VPS13B: variants seen among roughly 807,000 people sequenced by gnomAD.
The protein encoded by VPS13B is vacuolar protein sorting 13 homolog B.
A neutral mutation model predicts 426.4 loss-of-function variants in VPS13B; 285 were observed. That is an observed-to-expected ratio of 0.67 (90% CI 0.61 to 0.74). The LOEUF is 0.74. Among genes scored for constraint, VPS13B ranks in the 30% least tolerant of loss-of-function variants. The probability of loss-of-function intolerance (pLI) is 0.00; values close to 1 mark genes in which losing one functional copy is unlikely to be tolerated. For missense variants in VPS13B, 4,537 were observed against 4,782.6 expected, an observed-to-expected ratio of 0.95 and a Z score of 1.51; for synonymous variants, 1,676 against 1,676.4, an observed-to-expected ratio of 1.00 and a Z score of 0.01.
chr8:99,515,672 G>A (rs1003419105), intron 29 of VPS13B, among the ~76,000 whole-genome samples: 4 of 150,206 alleles, frequency 2.7e-5, no homozygotes, highest in Non-Finnish European at 4.4e-5. Flanking sequence ...TTTTAGTGGT[G>A]TTTTTTTTTG....
chr8:99,458,704 G>A (rs1253970123), intron 23 of VPS13B, among the ~76,000 whole-genome samples: 2 of 152,348 alleles, frequency 1.3e-5, no homozygotes, highest in Middle Eastern at 3.4e-3. Context: ...TCTTTTGGCT[G>A]CATAAATGTC....
chr8:99,472,607 G>A lies in VPS13B; in HGVS notation c.3666+4973G>A, dbSNP rs989296415. Among the ~76,000 whole-genome samples, 8 of 151,804 alleles carry A rather than the reference G, an allele frequency of 5.3e-5. No homozygotes were observed. The South Asian group carries it at 8.3e-4, about 16-fold the overall frequency. ...GAAAGATCTTAAATCAGCCATTTAA[G>A]GTTCAATTTTAGAAAGCTAAGAAAA... is the stretch of plus-strand genomic sequence containing the variant. On this transcript the variant is annotated intron_variant, in intron 24 of 61. Transcript: ENST00000357162.
chr8:99,868,218 T>C, intron 58 of VPS13B, 71 bp from the exon 59 acceptor site: 1 of 1,597,796 alleles, frequency 6.3e-7, no homozygotes, highest in Non-Finnish European at 8.6e-7. Context: ...TAAAACTGTG[T>C]TCCAGATGGA....
intron 21 of VPS13B, among the ~76,000 whole-genome samples, chr8:99,430,364 T>C (rs960880980): frequency 7.2e-5 from 11 of 152,170 alleles, no homozygotes; most frequent in African/African-American, 2.7e-4. Flanking sequence ...TCTTCAAACT[T>C]AATTTATTTA....
At chr8:99,057,998 T>C (rs189848576) in intron 3 of VPS13B, among the ~76,000 whole-genome samples, 2 of 152,348 alleles carry the variant, frequency 1.3e-5, no homozygotes, top group African/African-American at 2.4e-5. Context: ...CATAAACTTA[T>C]GTGCAACTCA....
intron 19 of VPS13B, among the ~76,000 whole-genome samples, chr8:99,357,288 A>T (rs1812231429): frequency 6.6e-6 from 1 of 152,004 alleles, no homozygotes; most frequent in African/African-American, 2.4e-5. Context: ...GTGGTTGCTT[A>T]TGTTTTTTAT....
At position 99,393,070 on chromosome 8, in the gene VPS13B, A is replaced by G. The variant is rs912246865; in HGVS notation, c.3082+1366A>G. 3.2e-4 allele frequency among the ~76,000 whole-genome samples: 48 copies of G among 152,068 alleles called. 1 individual carries two copies. The highest frequency in any genetic ancestry group is 1.3e-4 in the Admixed American group (2 of 15,260). ...CTTTTAGTTAAGAAAATAAATGTCC[A>G]TTAGTGAAAAAAAAATGGTAAGAAT... On this transcript the variant is annotated intron_variant, in intron 21 of 61. Transcript: ENST00000357162.
intron 33 of VPS13B, among the ~76,000 whole-genome samples, chr8:99,631,155 T>C (rs1348458821): frequency 2.0e-5 from 3 of 152,084 alleles, no homozygotes; most frequent in Non-Finnish European, 2.9e-5. Context: ...TTTCCCCTTC[T>C]CCAATTTATC....
At chr8:99,420,437 A>T (rs369141179) in intron 21 of VPS13B, among the ~76,000 whole-genome samples, 1 of 152,174 alleles carries the variant, frequency 6.6e-6, no homozygotes, top group Non-Finnish European at 1.5e-5. Context: ...TGAAGAAGGT[A>T]AAGAGATGTT....
intron 42 of VPS13B, among the ~76,000 whole-genome samples, chr8:99,783,105 G>A (rs1812096726): frequency 6.6e-6 from 1 of 152,154 alleles, no homozygotes; most frequent in African/African-American, 2.4e-5. Context: ...TTCCCAAGAT[G>A]AGTCTGTACC....
At chr8:99,784,245 G>T in intron 42 of VPS13B, 70 bp from the exon 43 acceptor site, 1 of 1,598,694 alleles carries the variant, frequency 6.3e-7, no homozygotes. Context: ...AATCGCCACT[G>T]GGCAGACAGC....
chr8:99,402,762 C>G (rs1287103195), intron 21 of VPS13B, among the ~76,000 whole-genome samples: 1 of 152,070 alleles, frequency 6.6e-6, no homozygotes, highest in Non-Finnish European at 1.5e-5. Context: ...GTCAGGTGAG[C>G]TAGGAAGGCA....
At chr8:99,624,007 A>ATATATATATTTT (rs1206203704) in intron 33 of VPS13B, among the ~76,000 whole-genome samples, 2 of 101,102 alleles carry the variant, frequency 2.0e-5, no homozygotes, top group African/African-American at 8.8e-5. Context: ...ATATATATAT[A>ATATATATATTTT]TTTTTTTTTT....
At chr8:99,424,298 G>A (rs1194005196) in intron 21 of VPS13B, 7 of 151,346 alleles carry the variant, frequency 4.6e-5, no homozygotes, top group African/African-American at 1.7e-4. Context: ...TTGAGCCTAT[G>A]TATGTCTCTG....
At chr8:99,508,231 C>G (rs1460763716) in intron 28 of VPS13B, among the ~76,000 whole-genome samples, 1 of 152,064 alleles carries the variant, frequency 6.6e-6, no homozygotes, top group Non-Finnish European at 1.5e-5. Flanking sequence ...TCTTACGATT[C>G]TTAATAAGAT....
Position 99,823,843 on chromosome 8 carries a change from C to G in VPS13B, c.9195C>G (p.Phe3065Leu). Residue 3065 changes from phenylalanine (F) to leucine (L), a missense_variant, in exon 51 of 62, where the codon TTC becomes TTG. Around this residue, in one of 2 missense-constraint regions of VPS13B, gnomAD observed 4,311 missense variants for 4,474.3 expected, o/e 0.96. Coordinates refer to ENST00000357162, the MANE Select transcript of VPS13B (RefSeq NM_152564.5). ...CAATTATCTTGTAGTTATGTCAGTT[C>G]TGCATTTCCTCCATGGTACAGCAAG... ...AFPGHQKLCQ[F>L]CISSMVQQGI... 1.2e-6 allele frequency: 2 copies of G among 1,613,516 alleles called. No homozygotes were observed. Among genetic ancestry groups the G allele is most frequent in the Non-Finnish European group, 1.7e-6 (2 of 1,179,814 alleles).
At chr8:99,172,573 G>T (rs1342756570) in intron 16 of VPS13B, among the ~76,000 whole-genome samples, 1 of 152,114 alleles carries the variant, frequency 6.6e-6, no homozygotes, top group East Asian at 1.9e-4. Flanking sequence ...TTTATTACTT[G>T]AAGGAGCGAA....
chr8:99,571,816 G>A lies in VPS13B; in HGVS notation c.4950-3842G>A, dbSNP rs541751587. Among the ~76,000 whole-genome samples the A allele has an allele frequency of 7.2e-5, 11 of 152,030 alleles. No individual in the cohort carries two copies. In the East Asian group the frequency reaches 1.4e-3, roughly 19 times the overall value. On this transcript the variant is annotated intron_variant, in intron 31 of 61. Coordinates refer to ENST00000357162, the MANE Select transcript of VPS13B (RefSeq NM_152564.5). ...AGTCACAGATTTTAATACTTCTTCC[G>A]GTTACTCTCTACTCACCAGATCTCT... is the stretch of plus-strand genomic sequence containing the variant.
chr8:99,741,874 A>C (rs1418657601), intron 39 of VPS13B, among the ~76,000 whole-genome samples: 1 of 152,240 alleles, frequency 6.6e-6, no homozygotes, highest in African/African-American at 2.4e-5. Flanking sequence ...AGAAGGCAGG[A>C]AAGATCTAAA....
Sources: gnomAD v4.1 joint callset for allele counts (sites outside exome capture counted in the v4.1 genomes callset) on GRCh38, gnomAD v4.1.1 for gene constraint, gnomAD v4.1.1 regional missense constraint, MANE v1.5 for transcripts, NCBI Gene and HGNC (gene_info 2026-07-23, HGNC 2026-07-21) for gene names.